Variants in KAT2A observed in about 807,000 individuals in gnomAD.
KAT2A encodes histone acetyltransferase KAT2A.
In KAT2A, 42 loss-of-function variants were observed where a neutral mutation model predicts 95.2. That is an observed-to-expected ratio of 0.44 (90% confidence interval 0.34 to 0.57). The LOEUF is 0.57. Ranked by LOEUF, KAT2A falls within the 20% of genes least tolerant of loss-of-function variation. The pLI, the probability that KAT2A is intolerant of heterozygous loss-of-function variation, is 0.01. For missense variants in KAT2A, 784 were observed against 1,126.3 expected, an observed-to-expected ratio of 0.70 and a Z score of 4.35; for synonymous variants, 449 against 448.2, an observed-to-expected ratio of 1.00 and a Z score of -0.02.
In KAT2A at chr17:42,114,063, A is replaced by G; in HGVS notation, c.2257T>C (p.Phe753Leu). 6.5e-7 allele frequency: 1 copy of G among 1,532,140 alleles called. No individual in the cohort carries two copies. Among genetic ancestry groups the G allele is most frequent in the African/African-American group, 1.4e-5 (1 of 71,056 alleles). 94.9% of individuals were successfully genotyped at this position (1,532,140 alleles called of 1,614,324 possible). The change falls in exon 17 of 18, where the codon TTC (phenylalanine) becomes CTC (leucine). Residue 753 changes from phenylalanine to leucine, a missense_variant. Coordinates refer to ENST00000225916, the MANE Select transcript of KAT2A (RefSeq NM_021078.3). The surrounding 1 kb of genome is among the most constrained non-coding windows in gnomAD (Gnocchi z 6.0). ...QIKSHPSAWPFMEPVKKSEAP... is the reference protein window; with the variant it reads ...QIKSHPSAWPLMEPVKKSEAP... Reference sequence around the variant, plus strand: ...TCCGACTTCTTCACAGGCTCCATGAAGGGCCAGGCACTGGGGTGAGACTGG... The same window carrying G: ...TCCGACTTCTTCACAGGCTCCATGAGGGGCCAGGCACTGGGGTGAGACTGG...
intron 6 of KAT2A, among the ~76,000 whole-genome samples, chr17:42,118,667 T>G (rs781878173): frequency 5.9e-5 from 9 of 152,038 alleles, no homozygotes; most frequent in African/African-American, 9.7e-5. Context: ...CATCCTGTGC[T>G]GTGTGGCCAG....
chr17:42,116,018 G>A (rs782203199), intron 11 of KAT2A, among the ~76,000 whole-genome samples, 185 bp from the exon 12 acceptor site: 7 of 152,166 alleles, frequency 4.6e-5, no homozygotes, highest in African/African-American at 7.2e-5. Context: ...TGAAGGGTGC[G>A]GGCTTTCTAA....
In KAT2A at chr17:42,117,848, A is replaced by G. The variant is rs782523371; in HGVS notation, c.1292-34T>C. ...GAGGCAGGCAAGGTTGCTCAGGATC[A>G]GTAAAAAAGGTTTGGGAAGGAGTGA... On this transcript the variant is annotated intron_variant, in intron 8 of 17. Transcript: ENST00000225916. This position sits in a 1 kb window ranked among gnomAD's most constrained non-coding sequence, Gnocchi z 8.9. 6.2e-7 allele frequency: 1 copy of G among 1,611,110 alleles called. No homozygotes were observed. The highest frequency in any genetic ancestry group is 8.5e-7 in the Non-Finnish European group (1 of 1,177,846).
Position 42,114,832 on chromosome 17 carries a change from G to T in KAT2A, c.2019+60C>A. 6.4e-7 allele frequency: 1 copy of T among 1,562,600 alleles called. No homozygotes were observed. The highest frequency in any genetic ancestry group is 8.8e-7 in the Non-Finnish European group (1 of 1,136,176). ...ACGTAGAACAGGTCTACACACGTGTGCTCGCCCTCTGCATGCCCATTCATG... is the reference window on the plus strand; with the variant it reads ...ACGTAGAACAGGTCTACACACGTGTTCTCGCCCTCTGCATGCCCATTCATG... On this transcript the variant is annotated intron_variant, in intron 13 of 17. Transcript: ENST00000225916. This position sits in a 1 kb window ranked among gnomAD's most constrained non-coding sequence, Gnocchi z 6.0.
rs782388058 is a variant in KAT2A, at chr17:42,121,336, C to G, written c.-32G>C. 20 of 1,364,888 alleles carry G rather than the reference C, an allele frequency of 1.5e-5. No homozygotes were observed. The highest frequency in any genetic ancestry group is 5.4e-4 in the Middle Eastern group (2 of 3,670). The allele number at this position is 1,364,888 out of a possible 1,614,324, so 84.5% of individuals were successfully genotyped here. ...CCCCGCAGCGGAGAGCGGCGCCGCG[C>G]TCCCAGCCCTAGGGCCGCATGGGCA... is the stretch of plus-strand genomic sequence containing the variant. On this transcript the variant is annotated 5_prime_UTR_variant, in exon 1 of 18. Transcript: ENST00000225916.
intron 17 of KAT2A, 44 bp downstream of exon 17, chr17:42,113,956 G>A (rs1555665317): frequency 6.7e-7 from 1 of 1,487,058 alleles, no homozygotes; most frequent in African/African-American, 1.4e-5. Context: ...GAGCAGGTGT[G>A]GGGACAGAAG....
rs2054334330 is a variant in KAT2A, at chr17:42,121,208, T to C, written c.97A>G (p.Ser33Gly). Residue 33 changes from serine (S) to glycine (G), a missense_variant, in exon 1 of 18, where the codon AGC (serine) becomes GGC (glycine). Ser to Gly is a moderately conservative substitution (Grantham distance 56). Coordinates refer to ENST00000225916, the MANE Select transcript of KAT2A (RefSeq NM_021078.3). Reference protein sequence around the residue: ...APAPTPTPAPSPASAPIPTPT... With the variant: ...APAPTPTPAPGPASAPIPTPT... ...GTCGGAATCGGGGCTGAAGCCGGGC[T>C]GGGTGCAGGAGTCGGAGTTGGGGCA... 3.7e-6 allele frequency: 5 copies of C among 1,349,662 alleles called. No homozygotes were observed. The highest frequency in any genetic ancestry group is 4.9e-6 in the Non-Finnish European group (5 of 1,016,678). The allele number at this position is 1,349,662 out of a possible 1,614,324, so 83.6% of individuals were successfully genotyped here.
Position 42,117,099 on chromosome 17 carries a change from A to T in KAT2A, c.1700T>A (p.Met567Lys). The change falls in exon 11 of 18, where the codon ATG becomes AAG. Residue 567 changes from methionine (M) to lysine (K), a missense_variant. This residue lies in a region of KAT2A where 174 missense variants were observed against 324.9 expected (regional missense o/e 0.54). Transcript: ENST00000225916. The surrounding 1 kb of genome is among the most constrained non-coding windows in gnomAD (Gnocchi z 8.9). ...GRVIGGICFR[M>K]FPTQGFTEIV... is the part of the protein sequence containing the mutation. ...CTCCGTGAAGCCCTGGGTGGGAAAC[A>T]TGCGGAAGCAGATGCCACCGATGAC... 1 of 1,614,170 alleles carries T rather than the reference A, an allele frequency of 6.2e-7. No homozygotes were observed. The highest frequency in any genetic ancestry group is 8.5e-7 in the Non-Finnish European group (1 of 1,180,038).
At position 42,120,213 on chromosome 17, in the gene KAT2A, G is replaced by C. The variant is rs2054316522; in HGVS notation, c.609+12C>G. 6.2e-7 allele frequency: 1 copy of C among 1,614,058 alleles called. No individual in the cohort carries two copies. The highest frequency in any genetic ancestry group is 1.7e-5 in the Admixed American group (1 of 60,008). On this transcript the variant is annotated intron_variant, in intron 3 of 17. Transcript: ENST00000225916. Reference sequence around the variant, plus strand: ...CCTCCTTCACTCACACCCTCCTTTAGTGGAAGCTCACCTTGAAGAGGTAGA... The same window carrying C: ...CCTCCTTCACTCACACCCTCCTTTACTGGAAGCTCACCTTGAAGAGGTAGA...
chr17:42,121,112 C>G lies in KAT2A; in HGVS notation c.193G>C (p.Val65Leu). 1 of 1,519,150 alleles carries G rather than the reference C, an allele frequency of 6.6e-7. No individual in the cohort carries two copies. Among genetic ancestry groups the G allele is most frequent in the South Asian group, 1.2e-5 (1 of 82,440 alleles). 94.1% of individuals were successfully genotyped at this position (1,519,150 alleles called of 1,614,324 possible). A position where few individuals can be genotyped will look rare whatever the true frequency, so the allele number is the denominator to read the frequency against. Residue 65 changes from valine to leucine, a missense_variant, in exon 1 of 18, where the codon GTA (valine) becomes CTA (leucine). Physicochemically the swap from Val to Leu is conservative, Grantham distance 32 (BLOSUM62 1). This residue lies in a region of KAT2A where 142 missense variants were observed against 123.2 expected (regional missense o/e 1.15). Coordinates refer to ENST00000225916, the MANE Select transcript of KAT2A (RefSeq NM_021078.3). ...CCGCTCCCGGCCCCCCCACTTCCTA[C>G]CCCGGGCCCCCCAGTCCCTGTGCTG... is the stretch of plus-strand genomic sequence containing the variant. ...AGSTGTGGPG[V>L]GSGGAGSGGD...
Position 42,119,626 on chromosome 17 carries a change from G to A in KAT2A, c.792C>T (p.Cys264=). ...MFELSKMFLL[C]LNYWKLETPA... ...GTGTCTCAAGCTTCCAGTAGTTAAGGCAGAGCAAGAACATCTTTGAGAGCT... is the reference window on the plus strand; with the variant it reads ...GTGTCTCAAGCTTCCAGTAGTTAAGACAGAGCAAGAACATCTTTGAGAGCT... The change falls in exon 5 of 18, where the codon TGC becomes TGT. Residue 264 remains cysteine, a synonymous_variant. Transcript: ENST00000225916. The surrounding 1 kb of genome is among the most constrained non-coding windows in gnomAD (Gnocchi z 5.3). 1 of 1,614,084 alleles carries A rather than the reference G, an allele frequency of 6.2e-7. No homozygotes were observed. Among genetic ancestry groups the A allele is most frequent in the Admixed American group, 1.7e-5 (1 of 60,002 alleles).
Position 42,114,128 on chromosome 17 carries a change from G to T in KAT2A, c.2236-44C>A, listed in dbSNP as rs1463533555. On this transcript the variant is annotated intron_variant, in intron 16 of 17. Coordinates refer to ENST00000225916, the MANE Select transcript of KAT2A (RefSeq NM_021078.3). This position sits in a 1 kb window ranked among gnomAD's most constrained non-coding sequence, Gnocchi z 6.0. ...CTGGGGACAGCCCTGCTGCGCCCAC[G>T]CCAGCCCGAGACCACTACCCACCCC... 1 of 1,568,144 alleles carries T rather than the reference G, an allele frequency of 6.4e-7. No individual in the cohort carries two copies.
chr17:42,115,566 G>A (rs1435814185), intron 12 of KAT2A, 157 bp downstream of exon 12: 1 of 634,306 alleles, frequency 1.6e-6, no homozygotes, highest in Non-Finnish European at 2.9e-6. Flanking sequence ...CTGGGGCAAT[G>A]GCAGCAGAGG....
chr17:42,117,077 C>T lies in KAT2A; in HGVS notation c.1722G>A (p.Thr574=), dbSNP rs375052611. 1.2e-6 allele frequency: 2 copies of T among 1,614,156 alleles called. No individual in the cohort carries two copies. The highest frequency in any genetic ancestry group is 2.2e-5 in the East Asian group (1 of 44,878). The change falls in exon 11 of 18, where the codon ACG becomes ACA. Residue 574 remains threonine (T), a synonymous_variant. Transcript: ENST00000225916. The surrounding 1 kb of genome is among the most constrained non-coding windows in gnomAD (Gnocchi z 8.9). Reference sequence around the variant, plus strand: ...AGGTGACAGCACAGAAGACAATCTCCGTGAAGCCCTGGGTGGGAAACATGC... The same window carrying T: ...AGGTGACAGCACAGAAGACAATCTCTGTGAAGCCCTGGGTGGGAAACATGC... ...CFRMFPTQGF[T]EIVFCAVTSN... is the part of the protein sequence containing the mutation.
At position 42,121,107 on chromosome 17, in the gene KAT2A, T is replaced by C; in HGVS notation, c.198A>G (p.Gly66=). The C allele has an allele frequency of 6.6e-7, 1 of 1,522,998 alleles. No individual in the cohort carries two copies. The highest frequency in any genetic ancestry group is 8.8e-7 in the Non-Finnish European group (1 of 1,133,780). 94.3% of individuals were successfully genotyped at this position (1,522,998 alleles called of 1,614,324 possible). A position where few individuals can be genotyped will look rare whatever the true frequency, so the allele number is the denominator to read the frequency against. ...CCCCCCCGCTCCCGGCCCCCCCACT[T>C]CCTACCCCGGGCCCCCCAGTCCCTG... ...GSTGTGGPGV[G]SGGAGSGGDP... Residue 66 remains glycine, a synonymous_variant, in exon 1 of 18, where the codon GGA becomes GGG. Coordinates refer to ENST00000225916, the MANE Select transcript of KAT2A (RefSeq NM_021078.3).
At position 42,117,850 on chromosome 17, in the gene KAT2A, T is replaced by C. The variant is rs192983213; in HGVS notation, c.1292-36A>G. On this transcript the variant is annotated intron_variant, in intron 8 of 17. Coordinates refer to ENST00000225916, the MANE Select transcript of KAT2A (RefSeq NM_021078.3). The surrounding 1 kb of genome is among the most constrained non-coding windows in gnomAD (Gnocchi z 8.9). ...GGCAGGCAAGGTTGCTCAGGATCAG[T>C]AAAAAAGGTTTGGGAAGGAGTGAAT... 4.2e-5 allele frequency: 68 copies of C among 1,609,772 alleles called. No individual in the cohort carries two copies. In the African/African-American group the frequency reaches 6.7e-4, roughly 16 times the overall value.
rs373632987 is a variant in KAT2A, at chr17:42,115,045, G to A, written c.1876-10C>T. The stretch of plus-strand genomic sequence containing the variant: ...TGTCCTTGGAGAAACCCTGGGGGGT[G>A]GATGGTCATGACCCAGTCCATCCAT... On this transcript the variant is annotated splice_polypyrimidine_tract_variant and intron_variant, in intron 12 of 17. Transcript: ENST00000225916. 8.3e-5 allele frequency: 134 copies of A among 1,613,092 alleles called. No homozygotes were observed. Among genetic ancestry groups the A allele is most frequent in the Middle Eastern group, 1.7e-4 (1 of 6,050 alleles).
In KAT2A at chr17:42,119,773, G is replaced by A. The variant is rs950273507; in HGVS notation, c.700-55C>T. Reference sequence around the variant, plus strand: ...AGGAATGAGGTGTGAGCAGCCCGCAGGGCCTTCTTAGACAAAGGAAGATGC... The same window carrying A: ...AGGAATGAGGTGTGAGCAGCCCGCAAGGCCTTCTTAGACAAAGGAAGATGC... On this transcript the variant is annotated intron_variant, in intron 4 of 17. Transcript: ENST00000225916. This position sits in a 1 kb window ranked among gnomAD's most constrained non-coding sequence, Gnocchi z 5.3. 9.6e-6 allele frequency: 14 copies of A among 1,455,880 alleles called. No homozygotes were observed. Among genetic ancestry groups the A allele is most frequent in the African/African-American group, 1.4e-5 (1 of 70,550 alleles). The allele number at this position is 1,455,880 out of a possible 1,614,324, so 90.2% of individuals were successfully genotyped here.
rs371173495 is a variant in KAT2A, at chr17:42,114,122, G to A, written c.2236-38C>T. On this transcript the variant is annotated intron_variant, in intron 16 of 17. Transcript: ENST00000225916. This position sits in a 1 kb window ranked among gnomAD's most constrained non-coding sequence, Gnocchi z 6.0. ...GCCGGGCTGGGGACAGCCCTGCTGC[G>A]CCCACGCCAGCCCGAGACCACTACC... 102 of 1,561,556 alleles carry A rather than the reference G, an allele frequency of 6.5e-5. No individual in the cohort carries two copies. The highest frequency in any genetic ancestry group is 1.1e-4 in the African/African-American group (8 of 71,978).
Sources: gnomAD v4.1 joint callset for allele counts (sites outside exome capture counted in the v4.1 genomes callset) on GRCh38, gnomAD v4.1.1 for gene constraint, gnomAD v4.1.1 regional missense constraint, Gnocchi (gnomAD v3.1) non-coding constraint, MANE v1.5 for transcripts, NCBI Gene and HGNC (gene_info 2026-07-23, HGNC 2026-07-21) for gene names.